The following EPM2A variants were observed in gnomAD, a reference collection of about 807,000 sequenced individuals.
EPM2A encodes EPM2A glucan phosphatase, laforin, also known as laforin.
EPM2A carries 21 observed loss-of-function variants against 26.5 expected under a neutral mutation model. That is an observed-to-expected ratio of 0.79 (90% CI 0.56 to 1.14). The LOEUF (loss-of-function observed/expected upper bound fraction) is 1.14, where lower values mean the gene tolerates loss of function less well. EPM2A is among the 50% of genes most tolerant of loss of function. EPM2A has a pLI of 0.00. For synonymous variants in EPM2A, 217 were observed against 177.6 expected (o/e 1.22, Z -1.76); for missense variants, 458 against 440.8 (o/e 1.04, Z -0.35).
intron 4 of EPM2A, among the ~76,000 whole-genome samples, chr6:145,388,794 G>A (rs1778298161): frequency 6.6e-6 from 1 of 152,090 alleles, no homozygotes; most frequent in Admixed American, 6.6e-5. Flanking sequence ...TTAGTTTGCT[G>A]AGAATGATGG....
intron 4 of EPM2A, among the ~76,000 whole-genome samples, chr6:145,419,215 G>A (rs1778750941): frequency 1.4e-5 from 2 of 142,802 alleles, no homozygotes; most frequent in South Asian, 4.6e-4. Flanking sequence ...GCAGCGCATG[G>A]CCTCACCATT....
chr6:145,507,854 G>A (rs958799096), intron 2 of EPM2A, among the ~76,000 whole-genome samples: 1 of 152,134 alleles, frequency 6.6e-6, no homozygotes, highest in African/African-American at 2.4e-5. Flanking sequence ...AAGACTTACA[G>A]CCAGGGACAG....
At chr6:145,511,725 C>T (rs965779260) in intron 2 of EPM2A, among the ~76,000 whole-genome samples, 9 of 152,214 alleles carry the variant, frequency 5.9e-5, no homozygotes, top group South Asian at 2.1e-4. Flanking sequence ...CCATTCCCAC[C>T]GCTCCTATTC....
chr6:145,542,175 A>G (rs1310187237), intron 2 of EPM2A, among the ~76,000 whole-genome samples: 1 of 152,234 alleles, frequency 6.6e-6, no homozygotes, highest in African/African-American at 2.4e-5. Flanking sequence ...TCACCATGAA[A>G]AGCACTGTTA....
At chr6:145,668,774 G>T (rs760472255) in intron 2 of EPM2A, among the ~76,000 whole-genome samples, 5 of 152,120 alleles carry the variant, frequency 3.3e-5, no homozygotes, top group Non-Finnish European at 7.3e-5. Context: ...GTAGCTAAGG[G>T]TTATAAAGCA....
intron 4 of EPM2A, among the ~76,000 whole-genome samples, chr6:145,464,601 T>G (rs1183328572): frequency 6.6e-6 from 1 of 152,166 alleles, no homozygotes; most frequent in East Asian, 1.9e-4. Context: ...GTTATTTAGT[T>G]CATTGTATAA....
chr6:145,404,404 T>G (rs1470231974), intron 4 of EPM2A, among the ~76,000 whole-genome samples: 3 of 152,102 alleles, frequency 2.0e-5, no homozygotes, highest in African/African-American at 7.2e-5. Context: ...GTATTTATTT[T>G]GTATGTAAAT....
At chr6:145,492,695 C>CG (rs1374084752) in intron 4 of EPM2A, among the ~76,000 whole-genome samples, 2 of 152,116 alleles carry the variant, frequency 1.3e-5, no homozygotes, top group Non-Finnish European at 2.9e-5. Flanking sequence ...CAGGGAGGAC[C>CG]GGATTTTTCT....
chr6:145,589,837 A>G (rs116349322), intron 2 of EPM2A, among the ~76,000 whole-genome samples: 2,038 of 151,630 alleles, frequency 0.013, 40 homozygotes, highest in African/African-American at 0.044. Context: ...TTAAGCCAGC[A>G]GAAGCAGGGT....
intron 3 of EPM2A, among the ~76,000 whole-genome samples, chr6:145,502,303 C>T (rs1309069341): frequency 6.6e-6 from 1 of 152,198 alleles, no homozygotes; most frequent in African/African-American, 2.4e-5. Context: ...CTTTTTGACT[C>T]CCTCCCATGG....
In EPM2A at chr6:145,664,015, C is replaced by T. The variant is rs1192977396; in HGVS notation, c.476+22107G>A. On this transcript the variant is annotated intron_variant, in intron 2 of 3. Transcript: ENST00000367519. The stretch of plus-strand genomic sequence containing the variant: ...GCCCTAAAAGAGCTCCTGAAGGAAG[C>T]GCTAAACATCGAAAGGAAAAACCGG... Among the ~76,000 whole-genome samples the T allele has an allele frequency of 2.4e-5, 2 of 82,126 alleles. 1 individual carries two copies. Among genetic ancestry groups the T allele is most frequent in the Non-Finnish European group, 4.7e-5 (2 of 42,798 alleles). 53.9% of individuals were successfully genotyped at this position (82,126 alleles called of 152,430 possible).
chr6:145,490,396 C>T, intron 4 of EPM2A: 1 of 856,322 alleles, frequency 1.2e-6, no homozygotes, highest in Non-Finnish European at 2.0e-6. Flanking sequence ...AGTGAGGTGA[C>T]ATTTGAGGGT....
intron 2 of EPM2A, chr6:145,682,590 C>A (rs542726818): frequency 6.6e-6 from 1 of 152,262 alleles, no homozygotes; most frequent in African/African-American, 2.4e-5. Context: ...TTGTCTTCCA[C>A]TACAGCATAA....
chr6:145,385,827 T>C (rs1778253057), intron 4 of EPM2A, among the ~76,000 whole-genome samples: 1 of 152,168 alleles, frequency 6.6e-6, no homozygotes, highest in Non-Finnish European at 1.5e-5. Flanking sequence ...TCTACTTTTT[T>C]TTTGTTCCAT....
At chr6:145,595,565 C>G (rs1229876797) in intron 2 of EPM2A, among the ~76,000 whole-genome samples, 2 of 151,866 alleles carry the variant, frequency 1.3e-5, no homozygotes, top group African/African-American at 4.8e-5. Context: ...CTATTCATTT[C>G]AAATAGACAA....
chr6:145,735,449 CG>C lies in EPM2A; in HGVS notation c.49del (p.Arg17GlyfsTer24). 8.0e-7 allele frequency: 1 copy of C among 1,242,580 alleles called. No homozygotes were observed. The highest frequency in any genetic ancestry group is 1.0e-6 in the Non-Finnish European group (1 of 988,250). The allele number at this position is 1,242,580 out of a possible 1,614,324, so 77.0% of individuals were successfully genotyped here. A position where few individuals can be genotyped will look rare whatever the true frequency, so the allele number is the denominator to read the frequency against. On this transcript the variant is annotated frameshift_variant, in exon 1 of 4. Coordinates refer to ENST00000367519, the MANE Select transcript of EPM2A (RefSeq NM_005670.4). LOFTEE classifies it high-confidence loss of function. ...VVVPPAVAGA[R>X]PELLVVGSRP... ...CGACCCCACCACCAGCAGCTCCGGC[CG>C]GGCGCCGGCCACGGCGGGTGGCACC...
chr6:145,606,677 T>C (rs570561624), intron 2 of EPM2A, among the ~76,000 whole-genome samples: 7 of 152,266 alleles, frequency 4.6e-5, no homozygotes, highest in African/African-American at 1.7e-4. Flanking sequence ...TCCTGTACTC[T>C]GTAAGGGAAA....
chr6:145,734,964 G>C (rs1442028085), intron 1 of EPM2A: 1 of 302,710 alleles, frequency 3.3e-6, no homozygotes, highest in Non-Finnish European at 6.0e-6. Flanking sequence ...GCGGCCGGGA[G>C]CGCTATACGG....
At chr6:145,417,841 T>C (rs1340117180) in intron 4 of EPM2A, among the ~76,000 whole-genome samples, 1 of 152,096 alleles carries the variant, frequency 6.6e-6, no homozygotes, top group African/African-American at 2.4e-5. Context: ...TATGGCTATA[T>C]TTCCACACAC....
Sources: allele counts gnomAD v4.1 joint callset (sites outside exome capture counted in the v4.1 genomes callset), GRCh38; gene constraint gnomAD v4.1.1; transcripts MANE v1.5; gene names NCBI Gene and HGNC (gene_info 2026-07-23, HGNC 2026-07-21).